The following DTNA variants were observed in gnomAD, a reference collection of about 807,000 sequenced individuals.
DTNA encodes dystrophin-related protein 3.
DTNA carries 43 observed loss-of-function variants against 100.7 expected under a neutral mutation model. The observed-to-expected ratio is 0.43, with a 90% CI of 0.33 to 0.55. The LOEUF (loss-of-function observed/expected upper bound fraction) is 0.55, where lower values mean the gene tolerates loss of function less well. Ranked by LOEUF, DTNA falls within the 20% of genes least tolerant of loss-of-function variation. The pLI, the probability that DTNA is intolerant of heterozygous loss-of-function variation, is 0.04. For missense variants in DTNA, 798 were observed against 953.9 expected, an observed-to-expected ratio of 0.84 and a Z score of 2.15; for synonymous variants, 349 against 347.9, an observed-to-expected ratio of 1.00 and a Z score of -0.04.
chr18:34,856,288 A>G (rs73418658), intron 15 of DTNA, among the ~76,000 whole-genome samples: 110 of 152,308 alleles, frequency 7.2e-4, no homozygotes, highest in African/African-American at 2.5e-3. Context: ...CTACTGCACC[A>G]TGGAAACCCA....
At chr18:34,806,106 C>T (rs2095353518) in intron 4 of DTNA, 113 bp from the exon 5 acceptor site, 1 of 889,614 alleles carries the variant, frequency 1.1e-6, no homozygotes, top group Admixed American at 2.0e-5. Flanking sequence ...GCTATGTATC[C>T]TGTGATTTCT....
intron 1 of DTNA, among the ~76,000 whole-genome samples, chr18:34,554,505 G>A (rs993468786): frequency 9.3e-5 from 14 of 150,792 alleles, no homozygotes; most frequent in African/African-American, 3.2e-4. Context: ...GATATTGGCT[G>A]TGGGTTTGTC....
chr18:34,794,281 T>C (rs1568546260), intron 4 of DTNA, 31 bp downstream of exon 4: 2 of 1,613,080 alleles, frequency 1.2e-6, no homozygotes, highest in Admixed American at 1.7e-5. Flanking sequence ...TGTTCCTCTC[T>C]ACATGTTTGG....
chr18:34,541,372 T>C (rs1179880834), intron 1 of DTNA, among the ~76,000 whole-genome samples: 1 of 152,078 alleles, frequency 6.6e-6, no homozygotes, highest in Non-Finnish European at 1.5e-5. Flanking sequence ...ATCTCACCTT[T>C]AATTGTGATA....
chr18:34,854,577 A>G (rs2096530724), intron 15 of DTNA, among the ~76,000 whole-genome samples: 1 of 152,192 alleles, frequency 6.6e-6, no homozygotes, highest in Admixed American at 6.5e-5. Context: ...GCCTTAATGA[A>G]CTATGCCAGA....
At chr18:34,646,172 A>G (rs1011740877) in intron 1 of DTNA, among the ~76,000 whole-genome samples, 2 of 152,202 alleles carry the variant, frequency 1.3e-5, no homozygotes, top group African/African-American at 4.8e-5. Flanking sequence ...GAATAAACAA[A>G]TGACAATACA....
intron 1 of DTNA, among the ~76,000 whole-genome samples, chr18:34,742,602 G>C (rs931041664): frequency 2.9e-5 from 1 of 34,764 alleles, no homozygotes; most frequent in African/African-American, 9.9e-5. Context: ...ATTTGGGGGG[G>C]TTAAGATGTG....
chr18:34,651,296 T>C (rs2060413600), intron 1 of DTNA, among the ~76,000 whole-genome samples: 1 of 152,222 alleles, frequency 6.6e-6, no homozygotes, highest in African/African-American at 2.4e-5. Flanking sequence ...CTAGTAAGAT[T>C]ACTATGAGGA....
intron 1 of DTNA, among the ~76,000 whole-genome samples, chr18:34,607,884 A>G (rs1473337108): frequency 6.6e-6 from 1 of 152,240 alleles, no homozygotes; most frequent in Non-Finnish European, 1.5e-5. Context: ...CCAAAGAGGT[A>G]GCATTTCGAT....
intron 1 of DTNA, among the ~76,000 whole-genome samples, chr18:34,689,807 G>T (rs563623185): frequency 3.3e-5 from 5 of 152,330 alleles, no homozygotes; most frequent in East Asian, 1.9e-4. Context: ...TAAGCCCCTG[G>T]CTGGGGCTAC....
chr18:34,496,597 G>A (rs760748827), intron 1 of DTNA, among the ~76,000 whole-genome samples: 1 of 152,118 alleles, frequency 6.6e-6, no homozygotes, highest in Admixed American at 6.5e-5. Context: ...TTTTCCAGGT[G>A]TGGGGTGCAG....
At chr18:34,880,061 A>G (rs576657537) in intron 20 of DTNA, among the ~76,000 whole-genome samples, 24 of 152,280 alleles carry the variant, frequency 1.6e-4, no homozygotes, top group African/African-American at 5.8e-4. Context: ...AAATCATCCT[A>G]TCTTCTGAAC....
In DTNA at chr18:34,875,294, T is replaced by C; in HGVS notation, c.1799T>C (p.Ile600Thr). 6.2e-7 allele frequency: 1 copy of C among 1,614,144 alleles called. No homozygotes were observed. The highest frequency in any genetic ancestry group is 1.1e-5 in the South Asian group (1 of 91,080). The change falls in exon 18 of 23, where the codon ATT becomes ACT. Residue 600 changes from isoleucine to threonine, a missense_variant. Around this residue, in one of 6 missense-constraint regions of DTNA, gnomAD observed 242 missense variants for 238.2 expected, o/e 1.02. Transcript: ENST00000444659. ...CCCAGCCACACCATCAGCAGGCCAA[T>C]TCCCATGCCCATCCGGTCAGCGTCA... ...SSPSHTISRP[I>T]PMPIRSASAC...
intron 17 of DTNA, chr18:34,866,189 C>T (rs1410085948): frequency 7.4e-6 from 12 of 1,613,954 alleles, no homozygotes; most frequent in South Asian, 6.6e-5. Context: ...TGCCGACCTG[C>T]GGTTTTCTCA....
chr18:34,795,571 T>C (rs2094934257), intron 4 of DTNA, among the ~76,000 whole-genome samples: 1 of 152,170 alleles, frequency 6.6e-6, no homozygotes, highest in East Asian at 1.9e-4. Context: ...CCATGGCATT[T>C]CTGTAGTGGC....
chr18:34,576,566 C>G (rs2579801), intron 1 of DTNA, among the ~76,000 whole-genome samples: 1 of 152,070 alleles, frequency 6.6e-6, no homozygotes, highest in Non-Finnish European at 1.5e-5. Flanking sequence ...TCAAGTGATT[C>G]TCCTGGCTTA....
At chr18:34,643,808 C>T (rs1253520705) in intron 1 of DTNA, among the ~76,000 whole-genome samples, 4 of 152,128 alleles carry the variant, frequency 2.6e-5, no homozygotes, top group Non-Finnish European at 5.9e-5. Context: ...ATGTAATTCA[C>T]AGCAATCAGA....
chr18:34,509,423 C>T (rs1008027349), intron 1 of DTNA, among the ~76,000 whole-genome samples: 1 of 151,992 alleles, frequency 6.6e-6, no homozygotes, highest in East Asian at 1.9e-4. Flanking sequence ...CTACTGTGTT[C>T]GGTGCTATTT....
intron 17 of DTNA, among the ~76,000 whole-genome samples, chr18:34,870,981 A>G (rs1304627547): frequency 6.6e-6 from 1 of 152,244 alleles, no homozygotes; most frequent in Non-Finnish European, 1.5e-5. Context: ...CAGTGTGATG[A>G]TAGCCAGTGA....
Sources: gnomAD v4.1 joint callset for allele counts (sites outside exome capture counted in the v4.1 genomes callset) on GRCh38, gnomAD v4.1.1 for gene constraint, gnomAD v4.1.1 regional missense constraint, MANE v1.5 for transcripts, NCBI Gene and HGNC (gene_info 2026-07-23, HGNC 2026-07-21) for gene names.